ARHGAP24: variants seen among roughly 807,000 people sequenced by gnomAD.
ARHGAP24 encodes the protein rho GTPase-activating protein 24.
In ARHGAP24, 50 loss-of-function variants were observed where a neutral mutation model predicts 76.4. That is an observed-to-expected ratio of 0.65 (90% CI 0.52 to 0.83). The LOEUF is 0.83. Ranked by LOEUF, ARHGAP24 falls within the 40% of genes least tolerant of loss-of-function variation. The pLI is 0.00. For synonymous variants in ARHGAP24, 345 were observed against 323.3 expected, an observed-to-expected ratio of 1.07 and a Z score of -0.72; for missense variants, 930 against 914.2, an observed-to-expected ratio of 1.02 and a Z score of -0.22.
chr4:85,847,052 T>C (rs1398263789), intron 3 of ARHGAP24, among the ~76,000 whole-genome samples: 2 of 152,188 alleles, frequency 1.3e-5, no homozygotes, highest in African/African-American at 4.8e-5. Context: ...TTATGAATTA[T>C]GTTGGGAATT....
chr4:85,848,072 G>C (rs768755953), intron 3 of ARHGAP24, among the ~76,000 whole-genome samples: 2 of 152,018 alleles, frequency 1.3e-5, no homozygotes, highest in Non-Finnish European at 2.9e-5. Context: ...AATCTATACA[G>C]TGAGGCAGTA....
chr4:85,890,434 A>C (rs1733821673), intron 3 of ARHGAP24, among the ~76,000 whole-genome samples: 1 of 152,190 alleles, frequency 6.6e-6, no homozygotes, highest in East Asian at 1.9e-4. Context: ...GAGATAGTTA[A>C]GCAAAGAATC....
intron 1 of ARHGAP24, among the ~76,000 whole-genome samples, chr4:85,522,483 G>A (rs766837500): frequency 4.6e-5 from 7 of 152,190 alleles, no homozygotes; most frequent in Non-Finnish European, 1.0e-4. Context: ...AGTGAAAGCA[G>A]TGGTGATGAT....
chr4:85,929,569 G>A (rs557881537), intron 4 of ARHGAP24, among the ~76,000 whole-genome samples: 10 of 152,254 alleles, frequency 6.6e-5, no homozygotes, highest in South Asian at 2.1e-4. Flanking sequence ...CAGAAAGTAC[G>A]GGCAAGAGCA....
chr4:85,632,547 A>T (rs534729179), intron 2 of ARHGAP24, among the ~76,000 whole-genome samples: 1 of 150,366 alleles, frequency 6.7e-6, no homozygotes, highest in Non-Finnish European at 1.5e-5. Flanking sequence ...TGTTAAAGGT[A>T]ATATAAAAGA....
At chr4:85,578,218 A>G (rs1727466719) in intron 2 of ARHGAP24, among the ~76,000 whole-genome samples, 1 of 152,188 alleles carries the variant, frequency 6.6e-6, no homozygotes, top group Non-Finnish European at 1.5e-5. Flanking sequence ...CCCTGGAAAA[A>G]TTATGAAAAG....
At chr4:85,581,877 G>A (rs1009917142) in intron 2 of ARHGAP24, among the ~76,000 whole-genome samples, 32 of 151,936 alleles carry the variant, frequency 2.1e-4, no homozygotes, top group Admixed American at 2.1e-3. Flanking sequence ...TTGGGTTATG[G>A]ACTTTATTCT....
intron 4 of ARHGAP24, among the ~76,000 whole-genome samples, chr4:85,926,357 A>G (rs961314997): frequency 3.3e-5 from 5 of 152,214 alleles, no homozygotes; most frequent in Non-Finnish European, 7.4e-5. Context: ...CTCTTTGTTT[A>G]ATAAGTATTA....
intron 3 of ARHGAP24, among the ~76,000 whole-genome samples, chr4:85,782,024 G>A (rs1479766433): frequency 4.7e-5 from 6 of 126,752 alleles, no homozygotes; most frequent in African/African-American, 1.8e-4. Context: ...GCAACAGAGT[G>A]AGATTCTATC....
chr4:85,995,406 TG>T lies in ARHGAP24; in HGVS notation c.1758del (p.Asn587ThrfsTer61), dbSNP rs1196259804. 1.2e-6 allele frequency: 2 copies of T among 1,612,652 alleles called. No homozygotes were observed. Among genetic ancestry groups the T allele is most frequent in the Non-Finnish European group, 1.7e-6 (2 of 1,178,952 alleles). ...TTTCPEQDFF[G>X]GNFEDPVLDG... is the part of the protein sequence containing the mutation. ...CCACCTGCCCAGAGCAAGACTTTTTTGGGGGGAACTTTGAGGACCCTGTTTT... is the reference window on the plus strand; with the variant it reads ...CCACCTGCCCAGAGCAAGACTTTTTTGGGGGAACTTTGAGGACCCTGTTTT... On this transcript the variant is annotated frameshift_variant, in exon 9 of 10. Transcript: ENST00000395184. LOFTEE classifies it high-confidence loss of function.
chr4:85,638,551 GGACT>G (rs1721406281), intron 2 of ARHGAP24, among the ~76,000 whole-genome samples: 2 of 152,092 alleles, frequency 1.3e-5, no homozygotes. Context: ...TAATAACACA[GGACT>G]GTATATTCTT....
At chr4:85,713,547 C>A (rs974985532) in intron 2 of ARHGAP24, among the ~76,000 whole-genome samples, 29 of 152,058 alleles carry the variant, frequency 1.9e-4, no homozygotes, top group Admixed American at 2.6e-4. Flanking sequence ...AGTGAAGGAG[C>A]CAATAAATCA....
intron 2 of ARHGAP24, among the ~76,000 whole-genome samples, chr4:85,658,051 G>A (rs896976251): frequency 3.3e-5 from 5 of 152,254 alleles, no homozygotes; most frequent in Middle Eastern, 3.4e-3. Context: ...CATTGTGCCC[G>A]GCCTCCAGTT....
chr4:85,958,800 C>A (rs2148839420), intron 5 of ARHGAP24, among the ~76,000 whole-genome samples: 1 of 152,298 alleles, frequency 6.6e-6, no homozygotes, highest in African/African-American at 2.4e-5. Flanking sequence ...AATAAGATTT[C>A]TTATGCCCAT....
intron 3 of ARHGAP24, among the ~76,000 whole-genome samples, chr4:85,791,348 A>G (rs989962841): frequency 6.6e-6 from 1 of 152,226 alleles, no homozygotes; most frequent in Non-Finnish European, 1.5e-5. Context: ...GGCAAAGATA[A>G]GAGGTACAAA....
Position 85,995,012 on chromosome 4 carries a change from C to A in ARHGAP24, c.1358C>A (p.Pro453His), listed in dbSNP as rs200239382. 18 of 1,613,926 alleles carry A rather than the reference C, an allele frequency of 1.1e-5. No individual in the cohort carries two copies. Among genetic ancestry groups the A allele is most frequent in the Admixed American group, 3.3e-5 (2 of 59,978 alleles). Residue 453 changes from proline (P) to histidine (H), a missense_variant, in exon 9 of 10, where the codon CCC (proline) becomes CAC (histidine). By Grantham distance (77) the Pro-to-His change is moderately conservative (BLOSUM62 -2). Transcript: ENST00000395184. The part of the protein sequence containing the change: ...AEGLEKTQTT[P>H]NGSLQARRSS... ...GGTCTTGAGAAAACCCAAACCACCC[C>A]CAATGGGAGCCTACAGGCCAGAAGG...
At chr4:85,757,288 G>A (rs1256018666) in intron 3 of ARHGAP24, among the ~76,000 whole-genome samples, 1 of 147,572 alleles carries the variant, frequency 6.8e-6, no homozygotes, top group Non-Finnish European at 1.5e-5. Flanking sequence ...ACATATGTAT[G>A]CATGTGCCAT....
intron 2 of ARHGAP24, among the ~76,000 whole-genome samples, chr4:85,607,703 A>T (rs1252554015): frequency 1.5e-5 from 2 of 134,708 alleles, no homozygotes; most frequent in South Asian, 5.1e-4. Context: ...TTTTTAAGAA[A>T]CTTGGCACGG....
intron 2 of ARHGAP24, among the ~76,000 whole-genome samples, chr4:85,660,254 C>G (rs562935694): frequency 1.4e-4 from 22 of 152,276 alleles, no homozygotes; most frequent in African/African-American, 4.3e-4. Flanking sequence ...AATGTACTTG[C>G]TAATGATTGA....
Sources: allele counts gnomAD v4.1 joint callset (sites outside exome capture counted in the v4.1 genomes callset), GRCh38; gene constraint gnomAD v4.1.1; transcripts MANE v1.5; gene names NCBI Gene and HGNC (gene_info 2026-07-23, HGNC 2026-07-21).